Variants in CASK observed in about 807,000 individuals in gnomAD.
The protein encoded by CASK is calcium/calmodulin dependent serine protein kinase.
CASK carries 4 observed loss-of-function variants against 82.9 expected under a neutral mutation model. That is an observed-to-expected ratio of 0.05 (90% CI 0.02 to 0.11). CASK has a LOEUF of 0.11. CASK is among the 10% of genes least tolerant of loss of function. The pLI is 1.00. For missense variants in CASK, 358 were observed against 720.9 expected (o/e 0.50, Z 5.76); for synonymous variants, 259 against 253.5 (o/e 1.02, Z -0.20).
At chrX:41,632,198 C>T (rs1340308536) in intron 9 of CASK, among the ~76,000 whole-genome samples, 1 of 112,194 alleles carries the variant, frequency 8.9e-6, no homozygotes, top group African/African-American at 3.2e-5. Context: ...AAGCCCACAA[C>T]GACTGCTATC....
At chrX:41,538,451 G>A (rs1382858179) in intron 22 of CASK, among the ~76,000 whole-genome samples, 1 of 111,381 alleles carries the variant, frequency 9.0e-6, no homozygotes, top group African/African-American at 3.3e-5. Flanking sequence ...GAAGTCCTGG[G>A]GGCTGAGGAA....
intron 5 of CASK, among the ~76,000 whole-genome samples, chrX:41,736,618 G>A (rs1479430723): frequency 8.9e-6 from 1 of 112,591 alleles, no homozygotes; most frequent in Non-Finnish European, 1.9e-5. Context: ...AATTTTTGGG[G>A]TGGTTTCTTC....
chrX:41,729,211 G>T (rs1282929023), intron 5 of CASK: 2 of 122,936 alleles, frequency 1.6e-5, no homozygotes, highest in African/African-American at 6.5e-5. Context: ...GACAATCTTA[G>T]GCAAATTAAC....
intron 16 of CASK, chrX:41,562,151 A>G (rs1032616799): frequency 8.8e-5 from 10 of 113,260 alleles, no homozygotes; most frequent in African/African-American, 2.9e-4. Context: ...GTTGGCTGCT[A>G]TCGTTATCTA....
rs187179252 is a variant in CASK, at chrX:41,749,529, G to A, written c.279-3928C>T. On this transcript the variant is annotated intron_variant, in intron 3 of 26. Transcript: ENST00000378163. ...GCCTCTCAAGTAGCTGGGACTACACGTGCTTGCCACCATGCCCAGCTAATT... is the reference window on the plus strand; with the variant it reads ...GCCTCTCAAGTAGCTGGGACTACACATGCTTGCCACCATGCCCAGCTAATT... Among the ~76,000 whole-genome samples the A allele has an allele frequency of 5.7e-5, 6 of 104,393 alleles. 1 individual carries two copies. Among genetic ancestry groups the A allele is most frequent in the African/African-American group, 1.0e-4 (3 of 28,692 alleles). 90.7% of individuals were successfully genotyped at this position (104,393 alleles called of 115,157 possible).
chrX:41,913,790 G>C (rs776126765), intron 1 of CASK, among the ~76,000 whole-genome samples: 1 of 112,037 alleles, frequency 8.9e-6, no homozygotes, highest in Admixed American at 9.4e-5. Flanking sequence ...CCACACAAAT[G>C]GTTTGTGAAG....
At chrX:41,850,043 G>T (rs1374285753) in intron 2 of CASK, among the ~76,000 whole-genome samples, 1 of 111,431 alleles carries the variant, frequency 9.0e-6, no homozygotes, top group Non-Finnish European at 1.9e-5. Flanking sequence ...AGCTGTGTGT[G>T]GTGGCGCATG....
intron 1 of CASK, among the ~76,000 whole-genome samples, chrX:41,900,875 A>G (rs2072366554): frequency 9.5e-6 from 1 of 105,479 alleles, no homozygotes; most frequent in Non-Finnish European, 1.9e-5. Flanking sequence ...CCTCCCGAGT[A>G]GCTGGGATTA....
intron 4 of CASK, among the ~76,000 whole-genome samples, chrX:41,743,247 G>C (rs1433182308): frequency 9.0e-6 from 1 of 111,560 alleles, no homozygotes; most frequent in East Asian, 2.8e-4. Flanking sequence ...TGTTATTGTG[G>C]TTCAAGAAGG....
chrX:41,612,732 A>G (rs1470921123), intron 11 of CASK, among the ~76,000 whole-genome samples: 63 of 62,653 alleles, frequency 1.0e-3, no homozygotes, highest in African/African-American at 3.0e-3. Context: ...CCGGCCAGCC[A>G]CCCCGTCCGG....
chrX:41,584,061 TC>T (rs1389476922), intron 14 of CASK: 1 of 112,473 alleles, frequency 8.9e-6, no homozygotes, highest in African/African-American at 3.2e-5. Context: ...TATATCTGTT[TC>T]TAGCTATGGA....
At chrX:41,837,145 T>C (rs2070940866) in intron 2 of CASK, among the ~76,000 whole-genome samples, 1 of 112,150 alleles carries the variant, frequency 8.9e-6, no homozygotes, top group Admixed American at 9.4e-5. Context: ...AGGGAAACCT[T>C]ACAATTTTTT....
chrX:41,767,547 A>G (rs1181164042), intron 3 of CASK, among the ~76,000 whole-genome samples: 1 of 112,156 alleles, frequency 8.9e-6, no homozygotes, highest in African/African-American at 3.2e-5. Flanking sequence ...TGTCAACTAT[A>G]TACTTTTTCC....
chrX:41,751,961 G>A (rs2068798894), intron 3 of CASK, among the ~76,000 whole-genome samples: 1 of 107,836 alleles, frequency 9.3e-6, no homozygotes, highest in African/African-American at 3.4e-5. Context: ...TGGGAGGATC[G>A]CTTGAGCCCA....
chrX:41,823,866 T>A (rs1361052159), intron 2 of CASK, among the ~76,000 whole-genome samples: 1 of 111,428 alleles, frequency 9.0e-6, no homozygotes, highest in Non-Finnish European at 1.9e-5. Flanking sequence ...GGCCTCTTAA[T>A]ATACTTTCTT....
At chrX:41,755,539 T>TA (rs2068878640) in intron 3 of CASK, among the ~76,000 whole-genome samples, 1 of 111,849 alleles carries the variant, frequency 8.9e-6, no homozygotes, top group African/African-American at 3.3e-5. Context: ...GTATTTGTGA[T>TA]TAAAAAACTT....
At chrX:41,564,051 T>C (rs953474230) in intron 16 of CASK, among the ~76,000 whole-genome samples, 3 of 111,945 alleles carry the variant, frequency 2.7e-5, no homozygotes, top group Admixed American at 9.5e-5. Context: ...AACAAAACAT[T>C]AGCAGACAGT....
chrX:41,711,832 G>A (rs778946995), intron 5 of CASK, among the ~76,000 whole-genome samples: 7 of 111,944 alleles, frequency 6.3e-5, no homozygotes, highest in South Asian at 3.8e-4. Context: ...CAAACCACCC[G>A]ACTGCAGGGG....
chrX:41,923,098 G>C lies in CASK; in HGVS notation c.-110C>G. 3.0e-6 allele frequency: 2 copies of C among 673,663 alleles called. No homozygotes were observed. The highest frequency in any genetic ancestry group is 4.6e-6 in the Non-Finnish European group (2 of 431,166). The allele number at this position is 673,663 out of a possible 1,213,427, so 55.5% of individuals were successfully genotyped here. On this transcript the variant is annotated 5_prime_UTR_variant, in exon 1 of 27. Coordinates refer to ENST00000378163, the MANE Select transcript of CASK (RefSeq NM_001367721.1). ...ATCGCCTCCTCCCCTCAGGACCCGC[G>C]AGCCCTCGGTGCCGAGGACGCTCGA...
Sources: allele counts gnomAD v4.1 joint callset (sites outside exome capture counted in the v4.1 genomes callset), GRCh38; gene constraint gnomAD v4.1.1; transcripts MANE v1.5; gene names NCBI Gene and HGNC (gene_info 2026-07-23, HGNC 2026-07-21).